The following SH3GL2 variants were observed in gnomAD, a reference collection of about 807,000 sequenced individuals.
The protein encoded by SH3GL2 is SH3 domain containing GRB2 like 2, endophilin A1, also known as endophilin-A1.
SH3GL2 carries 24 observed loss-of-function variants against 46.0 expected under a neutral mutation model. The ratio of observed to expected loss-of-function variants is 0.52; its 90% CI spans 0.38 to 0.73. The LOEUF (loss-of-function observed/expected upper bound fraction) is 0.73. SH3GL2 is among the 30% of genes least tolerant of loss of function. The probability of loss-of-function intolerance (pLI) is 0.00; values close to 1 mark genes in which losing one functional copy is unlikely to be tolerated. For missense variants in SH3GL2, 413 were observed against 424.2 expected (o/e 0.97, Z 0.23); for synonymous variants, 196 against 147.1 (o/e 1.33, Z -2.40).
intron 1 of SH3GL2, among the ~76,000 whole-genome samples, chr9:17,670,766 T>A (rs1282523568): frequency 6.6e-6 from 1 of 152,250 alleles, no homozygotes; most frequent in Non-Finnish European, 1.5e-5. Context: ...ATGAAAGTTT[T>A]TTTCCTCTTT....
intron 1 of SH3GL2, among the ~76,000 whole-genome samples, chr9:17,677,292 C>T (rs1465178600): frequency 1.3e-5 from 2 of 152,008 alleles, no homozygotes; most frequent in Admixed American, 1.3e-4. Context: ...TTGTTTGTGG[C>T]TTATCTTTGA....
At chr9:17,633,918 T>C (rs1588191277) in intron 1 of SH3GL2, among the ~76,000 whole-genome samples, 1 of 152,198 alleles carries the variant, frequency 6.6e-6, no homozygotes, top group Admixed American at 6.5e-5. Flanking sequence ...TTCAGTGTCC[T>C]TTGGCAACCC....
At chr9:17,678,767 C>T (rs1038266286) in intron 1 of SH3GL2, among the ~76,000 whole-genome samples, 2 of 152,102 alleles carry the variant, frequency 1.3e-5, no homozygotes, top group Non-Finnish European at 2.9e-5. Flanking sequence ...GGTTTTAGGT[C>T]TAACATTTAA....
Position 17,748,689 on chromosome 9 carries a change from A to G in SH3GL2, c.114+1555A>G, listed in dbSNP as rs530808394. Among the ~76,000 whole-genome samples, 4 of 152,278 alleles carry G rather than the reference A, an allele frequency of 2.6e-5. No homozygotes were observed. In the East Asian group the frequency reaches 7.7e-4, roughly 29 times the overall value. Reference sequence around the variant, plus strand: ...TGAACCAGGAGGTAGGATATAGACAAGGTTCCTGAGTGCATGAAGTTCGTA... The same window carrying G: ...TGAACCAGGAGGTAGGATATAGACAGGGTTCCTGAGTGCATGAAGTTCGTA... On this transcript the variant is annotated intron_variant, in intron 2 of 8. Coordinates refer to ENST00000380607, the MANE Select transcript of SH3GL2 (RefSeq NM_003026.5).
chr9:17,626,815 T>A (rs1819292169), intron 1 of SH3GL2, among the ~76,000 whole-genome samples: 1 of 152,176 alleles, frequency 6.6e-6, no homozygotes, highest in Non-Finnish European at 1.5e-5. Context: ...TGCCTTTACC[T>A]CCCGTGTCTC....
chr9:17,614,274 CAG>C lies in SH3GL2; in HGVS notation c.45+34988_45+34989del, dbSNP rs1411743041. On this transcript the variant is annotated intron_variant, in intron 1 of 8. Coordinates refer to ENST00000380607, the MANE Select transcript of SH3GL2 (RefSeq NM_003026.5). ...CATATGTGTATTTGTGTGTGTGTGA[CAG>C]GGAACATGCATGGTTTCTGAAAAAA... 4.8e-5 allele frequency among the ~76,000 whole-genome samples: 5 copies of C among 103,914 alleles called. No individual in the cohort carries two copies. The East Asian group carries it at 1.6e-3, about 34-fold the overall frequency. The allele number at this position is 103,914 out of a possible 152,430, so 68.2% of individuals were successfully genotyped here.
intron 1 of SH3GL2, among the ~76,000 whole-genome samples, chr9:17,636,653 A>G (rs10963175): frequency 0.025 from 3,744 of 152,284 alleles, 72 homozygotes; most frequent in Middle Eastern, 0.058. Flanking sequence ...CCATAGAGTT[A>G]ATAACCCTCA....
At chr9:17,677,420 A>G (rs1001931520) in intron 1 of SH3GL2, among the ~76,000 whole-genome samples, 15 of 152,122 alleles carry the variant, frequency 9.9e-5, no homozygotes. Context: ...ATCAATGACA[A>G]GATTTTAGCA....
chr9:17,686,120 T>G (rs1479290931), intron 1 of SH3GL2, among the ~76,000 whole-genome samples: 1 of 135,946 alleles, frequency 7.4e-6, no homozygotes, highest in African/African-American at 3.1e-5. Flanking sequence ...CATCAAAAAG[T>G]GGGCGAAGGA....
intron 1 of SH3GL2, among the ~76,000 whole-genome samples, chr9:17,587,827 A>T (rs959053547): frequency 1.3e-5 from 2 of 152,066 alleles, no homozygotes; most frequent in Non-Finnish European, 2.9e-5. Context: ...CAGAGGTTGC[A>T]GTGAGCCAGA....
intron 1 of SH3GL2, among the ~76,000 whole-genome samples, chr9:17,639,553 G>A (rs562517382): frequency 5.9e-5 from 9 of 152,280 alleles, no homozygotes; most frequent in East Asian, 1.9e-4. Context: ...TGGAGCAACC[G>A]GCACCTTTAT....
At position 17,773,993 on chromosome 9, in the gene SH3GL2, C is replaced by A. The variant is rs191511147; in HGVS notation, c.188-12388C>A. Among the ~76,000 whole-genome samples the A allele has an allele frequency of 8.1e-4, 123 of 152,132 alleles. 1 individual carries two copies. Among genetic ancestry groups the A allele is most frequent in the African/African-American group, 2.6e-3 (106 of 41,542 alleles). On this transcript the variant is annotated intron_variant, in intron 3 of 8. Coordinates refer to ENST00000380607, the MANE Select transcript of SH3GL2 (RefSeq NM_003026.5). Reference sequence around the variant, plus strand: ...TCTTTCAGCAGTGTTTGGTAGTTTTCATTGTTGAAGTCTTTTACCTCCTTG... The same window carrying A: ...TCTTTCAGCAGTGTTTGGTAGTTTTAATTGTTGAAGTCTTTTACCTCCTTG...
At chr9:17,711,244 CTT>C (rs1331350915) in intron 1 of SH3GL2, among the ~76,000 whole-genome samples, 1 of 151,908 alleles carries the variant, frequency 6.6e-6, no homozygotes, top group African/African-American at 2.4e-5. Flanking sequence ...GAAGAACTAA[CTT>C]AAATATATGA....
intron 3 of SH3GL2, among the ~76,000 whole-genome samples, chr9:17,764,701 TAC>T (rs1823272223): frequency 9.6e-6 from 1 of 104,550 alleles, no homozygotes; most frequent in Admixed American, 9.3e-5. Flanking sequence ...ACATCTTGGG[TAC>T]ATGGACAGGC....
At chr9:17,604,438 T>C (rs1818727729) in intron 1 of SH3GL2, among the ~76,000 whole-genome samples, 1 of 152,248 alleles carries the variant, frequency 6.6e-6, no homozygotes, top group South Asian at 2.1e-4. Context: ...AAGTAACACA[T>C]GAATCTTAGC....
chr9:17,652,602 T>C (rs1232802833), intron 1 of SH3GL2, among the ~76,000 whole-genome samples: 1 of 152,138 alleles, frequency 6.6e-6, no homozygotes, highest in African/African-American at 2.4e-5. Flanking sequence ...TAATACTATA[T>C]ATTATATAGA....
chr9:17,793,495 C>T lies in SH3GL2; in HGVS notation c.857C>T (p.Ser286Leu). Residue 286 changes from serine to leucine, a missense_variant and splice_region_variant, in exon 8 of 9, where the codon TCA becomes TTA. Ser to Leu is a moderately radical substitution (Grantham distance 145). Around this residue, in one of 3 missense-constraint regions of SH3GL2, gnomAD observed 248 missense variants for 215.0 expected, o/e 1.15. Transcript: ENST00000380607. ...GLSHTGTPKPSGVQMDQPCCR... is the reference protein window; with the variant it reads ...GLSHTGTPKPLGVQMDQPCCR... ...TCCCACACAGGCACTCCCAAACCTT[C>T]AGGTAAGAGCTGAAACTGCAGATCC... 1.2e-6 allele frequency: 2 copies of T among 1,612,876 alleles called. No homozygotes were observed.
At chr9:17,589,284 G>A (rs1818434720) in intron 1 of SH3GL2, 1 of 152,210 alleles carries the variant, frequency 6.6e-6, no homozygotes, top group African/African-American at 2.4e-5. Flanking sequence ...TCCCACCTCA[G>A]CCTCCAGAGT....
chr9:17,667,222 C>A (rs765652366), intron 1 of SH3GL2, among the ~76,000 whole-genome samples: 1 of 152,086 alleles, frequency 6.6e-6, no homozygotes, highest in Non-Finnish European at 1.5e-5. Flanking sequence ...ATATAATTCA[C>A]ATACCATAAC....
Sources: allele counts gnomAD v4.1 joint callset (sites outside exome capture counted in the v4.1 genomes callset), GRCh38; gene constraint gnomAD v4.1.1; regional missense constraint gnomAD v4.1.1; transcripts MANE v1.5; gene names NCBI Gene and HGNC (gene_info 2026-07-23, HGNC 2026-07-21).